The following SQOR variants were observed in gnomAD, a reference collection of about 807,000 sequenced individuals.
SQOR encodes the protein sulfide quinone oxidoreductase.
A neutral mutation model predicts 48.6 loss-of-function variants in SQOR; 39 were observed. That is an observed-to-expected ratio of 0.80 (90% confidence interval 0.62 to 1.05). The LOEUF (loss-of-function observed/expected upper bound fraction) is 1.05. SQOR is among the 50% of genes least tolerant of loss of function. SQOR has a pLI of 0.00. For synonymous variants in SQOR, 220 were observed against 206.2 expected (o/e 1.07, Z -0.57); for missense variants, 561 against 559.9 (o/e 1.00, Z -0.02).
intron 1 of SQOR, among the ~76,000 whole-genome samples, chr15:45,635,580 G>A (rs1195874322): frequency 6.6e-6 from 1 of 152,144 alleles, no homozygotes; most frequent in Non-Finnish European, 1.5e-5. Context: ...GAAACCTGAA[G>A]GGGAGAGGAT....
At chr15:45,682,287 A>G (rs545409923) in intron 6 of SQOR, among the ~76,000 whole-genome samples, 191 bp from the exon 7 acceptor site, 29 of 152,308 alleles carry the variant, frequency 1.9e-4, no homozygotes, top group African/African-American at 6.5e-4. Context: ...GAGAATGGTT[A>G]TTTAGCTTAT....
In SQOR at chr15:45,676,225, A is replaced by C. The variant is rs1305003092; in HGVS notation, c.779A>C (p.Lys260Thr). The C allele has an allele frequency of 6.2e-7, 1 of 1,614,050 alleles. No homozygotes were observed. Among genetic ancestry groups the C allele is most frequent in the Non-Finnish European group, 8.5e-7 (1 of 1,180,034 alleles). Residue 260 changes from lysine to threonine, a missense_variant, in exon 6 of 10, where the codon AAG (lysine) becomes ACG (threonine). Transcript: ENST00000260324. ...IQERNLTVNY[K>T]KNLIEVRADK... ...GAGCGGAACCTCACTGTTAACTACAAGAAAAACCTCATTGAAGTCCGAGCC... is the reference window on the plus strand; with the variant it reads ...GAGCGGAACCTCACTGTTAACTACACGAAAAACCTCATTGAAGTCCGAGCC...
chr15:45,637,123 A>C (rs1303996098), intron 1 of SQOR, among the ~76,000 whole-genome samples: 1 of 151,906 alleles, frequency 6.6e-6, no homozygotes, highest in African/African-American at 2.4e-5. Flanking sequence ...CTGGGATTAC[A>C]CCAGCCACCC....
chr15:45,672,506 ACT>A (rs902086285), intron 4 of SQOR, among the ~76,000 whole-genome samples: 2 of 152,024 alleles, frequency 1.3e-5, no homozygotes, highest in African/African-American at 2.4e-5. Flanking sequence ...AGATGAGAGG[ACT>A]CTGTTTCCTT....
intron 1 of SQOR, among the ~76,000 whole-genome samples, chr15:45,650,561 G>C (rs926470579): frequency 1.3e-5 from 2 of 152,170 alleles, no homozygotes; most frequent in Admixed American, 6.5e-5. Context: ...ACACGAAAGA[G>C]GACCAGAAAG....
chr15:45,655,737 G>A (rs1889592487), intron 1 of SQOR, among the ~76,000 whole-genome samples: 1 of 149,992 alleles, frequency 6.7e-6, no homozygotes, highest in African/African-American at 2.5e-5. Flanking sequence ...AGGCTGGAGT[G>A]CAGTGGCGCA....
intron 2 of SQOR, among the ~76,000 whole-genome samples, chr15:45,660,476 G>T (rs1889699445): frequency 6.6e-6 from 1 of 152,170 alleles, no homozygotes; most frequent in Admixed American, 6.5e-5. Context: ...TCCCAGTCAG[G>T]CTTCTCTTTG....
At chr15:45,648,230 T>G (rs1595571482) in intron 1 of SQOR, among the ~76,000 whole-genome samples, 1 of 151,966 alleles carries the variant, frequency 6.6e-6, no homozygotes, top group South Asian at 2.1e-4. Context: ...CAGGCTGGAG[T>G]GCAGTGGCAC....
chr15:45,685,675 C>T (rs976188054), intron 7 of SQOR, among the ~76,000 whole-genome samples: 1 of 152,126 alleles, frequency 6.6e-6, no homozygotes, highest in Non-Finnish European at 1.5e-5. Context: ...TGGATGTCTC[C>T]ACTCCTTTTC....
At chr15:45,658,569 C>T (rs1889657731) in intron 1 of SQOR, among the ~76,000 whole-genome samples, 2 of 152,016 alleles carry the variant, frequency 1.3e-5, no homozygotes, top group African/African-American at 4.8e-5. Flanking sequence ...CTGGATACAA[C>T]CAGATGGTGC....
chr15:45,646,654 T>A lies in SQOR; in HGVS notation c.-18+11546T>A, dbSNP rs144906911. On this transcript the variant is annotated intron_variant, in intron 1 of 9. Coordinates refer to ENST00000260324, the MANE Select transcript of SQOR (RefSeq NM_021199.4). ...AGTGTTCACTCTGACATAGTTTTTTTAAATTTTTCATTCATTCACTCATTT... is the reference window on the plus strand; with the variant it reads ...AGTGTTCACTCTGACATAGTTTTTTAAAATTTTTCATTCATTCACTCATTT... Among the ~76,000 whole-genome samples the A allele has an allele frequency of 5.7e-3, 874 of 152,324 alleles. 9 individuals carry two copies. Among genetic ancestry groups the A allele is most frequent in the African/African-American group, 0.02 (817 of 41,562 alleles).
intron 1 of SQOR, among the ~76,000 whole-genome samples, chr15:45,648,681 C>T (rs1467667444): frequency 1.3e-5 from 2 of 152,136 alleles, no homozygotes; most frequent in Non-Finnish European, 2.9e-5. Flanking sequence ...GTAAGCCTGA[C>T]CTGTGCCGTG....
intron 1 of SQOR, among the ~76,000 whole-genome samples, chr15:45,642,977 T>G (rs1237458726): frequency 6.6e-6 from 1 of 152,162 alleles, no homozygotes; most frequent in Non-Finnish European, 1.5e-5. Flanking sequence ...TGAAACTGGT[T>G]TTGTTTCTCC....
At chr15:45,678,681 T>C (rs1477135316) in intron 6 of SQOR, among the ~76,000 whole-genome samples, 2 of 152,152 alleles carry the variant, frequency 1.3e-5, no homozygotes, top group African/African-American at 4.8e-5. Context: ...CAGAGGCTAC[T>C]GGAATGTTTG....
chr15:45,690,166 A>G (rs941974952), intron 9 of SQOR, among the ~76,000 whole-genome samples: 1 of 149,570 alleles, frequency 6.7e-6, no homozygotes, highest in Non-Finnish European at 1.5e-5. Context: ...CCCGGGTTCA[A>G]GCAATTTTCC....
chr15:45,644,275 A>G (rs1236893530), intron 1 of SQOR, among the ~76,000 whole-genome samples: 1 of 152,110 alleles, frequency 6.6e-6, no homozygotes, highest in East Asian at 1.9e-4. Flanking sequence ...TTTCAGAGAC[A>G]GGGTTTCACC....
intron 1 of SQOR, among the ~76,000 whole-genome samples, chr15:45,636,410 T>G (rs922689783): frequency 6.7e-6 from 1 of 150,122 alleles, no homozygotes; most frequent in Non-Finnish European, 1.5e-5. Flanking sequence ...TTTCTTCTTT[T>G]TTTTTTTTTT....
chr15:45,666,455 T>C (rs1889818418), intron 3 of SQOR, among the ~76,000 whole-genome samples: 1 of 152,210 alleles, frequency 6.6e-6, no homozygotes, highest in African/African-American at 2.4e-5. Flanking sequence ...AAATTGTGTC[T>C]GTTTCTTCAT....
intron 1 of SQOR, among the ~76,000 whole-genome samples, 190 bp from the exon 2 acceptor site, chr15:45,658,717 C>T (rs677413): frequency 0.57 from 86,741 of 152,102 alleles, 24,932 homozygotes; most frequent in Admixed American, 0.65. Context: ...GTGTAGTCAA[C>T]TGATAGCTAC....
Sources: gnomAD v4.1 joint callset for allele counts (sites outside exome capture counted in the v4.1 genomes callset) on GRCh38, gnomAD v4.1.1 for gene constraint, MANE v1.5 for transcripts, NCBI Gene and HGNC (gene_info 2026-07-23, HGNC 2026-07-21) for gene names.